ERBB4: variants seen among roughly 807,000 people sequenced by gnomAD.
ERBB4 encodes erb-b2 receptor tyrosine kinase 4.
Under a neutral mutation model 158.0 loss-of-function variants are expected in ERBB4, and 42 were observed. The observed-to-expected ratio is 0.27, with a 90% confidence interval of 0.21 to 0.34. The LOEUF (loss-of-function observed/expected upper bound fraction) is 0.34. Ranked by LOEUF, ERBB4 falls within the 10% of genes least tolerant of loss-of-function variation. The pLI is 1.00. For missense variants in ERBB4, 1,333 were observed against 1,624.1 expected (o/e 0.82, Z 3.08); for synonymous variants, 583 against 558.7 (o/e 1.04, Z -0.61).
chr2:211,713,670 G>T, intron 7 of ERBB4, 22 bp from the exon 8 acceptor site: 1 of 1,265,306 alleles, frequency 7.9e-7, no homozygotes. Flanking sequence ...AAAAAAAAAG[G>T]TAAAATAAGC....
intron 1 of ERBB4, among the ~76,000 whole-genome samples, chr2:212,341,083 T>C (rs2088687483): frequency 6.6e-6 from 1 of 152,050 alleles, no homozygotes; most frequent in South Asian, 2.1e-4. Flanking sequence ...AATCCTTTTA[T>C]ATTTTTTTCT....
At chr2:212,388,250 T>G (rs919077042) in intron 1 of ERBB4, among the ~76,000 whole-genome samples, 3 of 152,272 alleles carry the variant, frequency 2.0e-5, no homozygotes, top group African/African-American at 7.2e-5. Flanking sequence ...AGCTGTTAAC[T>G]CAGAAGTACT....
intron 1 of ERBB4, among the ~76,000 whole-genome samples, chr2:212,479,979 C>CA (rs112549454): frequency 4.6e-5 from 7 of 151,204 alleles, no homozygotes; most frequent in South Asian, 2.1e-4. Context: ...TGTTGACAAA[C>CA]AAAAAAAAGT....
At chr2:211,834,651 G>T (rs79616155) in intron 3 of ERBB4, among the ~76,000 whole-genome samples, 3 of 152,008 alleles carry the variant, frequency 2.0e-5, no homozygotes, top group South Asian at 2.1e-4. Flanking sequence ...AATAAATATC[G>T]AATTTGATGT....
At chr2:211,438,470 CTTT>C (rs2063904213) in intron 20 of ERBB4, among the ~76,000 whole-genome samples, 1 of 151,944 alleles carries the variant, frequency 6.6e-6, no homozygotes, top group Non-Finnish European at 1.5e-5. Flanking sequence ...GTTTCACTTT[CTTT>C]ATTTGTTAAA....
intron 1 of ERBB4, among the ~76,000 whole-genome samples, chr2:212,173,379 C>T (rs545420438): frequency 6.6e-6 from 1 of 152,028 alleles, no homozygotes; most frequent in African/African-American, 2.4e-5. Flanking sequence ...GGAAGAGTAC[C>T]CCAGGCTGAG....
intron 1 of ERBB4, among the ~76,000 whole-genome samples, chr2:212,339,444 G>A (rs1175595033): frequency 6.6e-6 from 1 of 152,148 alleles, no homozygotes; most frequent in Admixed American, 6.6e-5. Flanking sequence ...GGTATGTGTT[G>A]TTTTTATAAA....
intron 2 of ERBB4, among the ~76,000 whole-genome samples, chr2:211,950,924 C>T (rs1363839652): frequency 6.6e-6 from 1 of 152,110 alleles, no homozygotes; most frequent in Non-Finnish European, 1.5e-5. Context: ...TCTTTGAATG[C>T]CCTTATCTAC....
intron 1 of ERBB4, among the ~76,000 whole-genome samples, chr2:212,227,505 GTAGA>G (rs938336400): frequency 2.0e-4 from 30 of 152,136 alleles, no homozygotes; most frequent in African/African-American, 7.2e-4. Flanking sequence ...CTTTCAGCTT[GTAGA>G]TAATCAACGA....
At chr2:212,047,312 T>C (rs1308772809) in intron 2 of ERBB4, among the ~76,000 whole-genome samples, 1 of 152,172 alleles carries the variant, frequency 6.6e-6, no homozygotes, top group Admixed American at 6.5e-5. Context: ...ATTATTCTCT[T>C]TAGTCTCAAT....
intron 3 of ERBB4, among the ~76,000 whole-genome samples, chr2:211,806,273 C>G (rs186414789): frequency 4.2e-4 from 64 of 152,178 alleles, no homozygotes; most frequent in Non-Finnish European, 1.0e-4. Context: ...AGAGAGACAG[C>G]AGGGATCAAA....
intron 25 of ERBB4, among the ~76,000 whole-genome samples, chr2:211,403,886 G>C (rs994819538): frequency 6.6e-6 from 1 of 152,060 alleles, no homozygotes; most frequent in African/African-American, 2.4e-5. Context: ...TATTTTACAA[G>C]CTTCTCAACC....
intron 19 of ERBB4, among the ~76,000 whole-genome samples, chr2:211,566,903 C>G (rs1038673061): frequency 6.6e-6 from 1 of 152,086 alleles, no homozygotes; most frequent in Admixed American, 6.5e-5. Context: ...TGGCCCCACT[C>G]CCAGATACTC....
At chr2:211,823,760 T>G (rs1009293896) in intron 3 of ERBB4, among the ~76,000 whole-genome samples, 1 of 152,000 alleles carries the variant, frequency 6.6e-6, no homozygotes, top group African/African-American at 2.4e-5. Context: ...ATCTGTGTAA[T>G]TTTTGTCCTC....
In ERBB4 at chr2:211,707,413, G is replaced by A. The variant is rs6435662; in HGVS notation, c.1125-2022C>T. ...CATGCAAAAGAACACTACGTCTACC[G>A]TGTCATTGTGTTTGGTGATCCAAAA... On this transcript the variant is annotated intron_variant, in intron 9 of 27. Transcript: ENST00000342788. Among the ~76,000 whole-genome samples, 238 of 152,006 alleles carry A rather than the reference G, an allele frequency of 1.6e-3. 6 individuals are homozygous for A. In the South Asian group the frequency reaches 0.047, roughly 30 times the overall value.
At chr2:212,403,301 C>T (rs1184191298) in intron 1 of ERBB4, among the ~76,000 whole-genome samples, 1 of 151,952 alleles carries the variant, frequency 6.6e-6, no homozygotes, top group South Asian at 2.1e-4. Context: ...GGAGATTTCT[C>T]GATTTAAAAG....
chr2:211,629,222 A>C (rs1457401319), intron 17 of ERBB4, among the ~76,000 whole-genome samples: 1 of 152,194 alleles, frequency 6.6e-6, no homozygotes, highest in Non-Finnish European at 1.5e-5. Context: ...ATCAATGTGC[A>C]AAAATCACAA....
At chr2:212,331,439 A>G (rs976410979) in intron 1 of ERBB4, among the ~76,000 whole-genome samples, 1 of 151,878 alleles carries the variant, frequency 6.6e-6, no homozygotes, top group Admixed American at 6.6e-5. Flanking sequence ...ATTAACAAAC[A>G]GTAATAAAAA....
chr2:211,861,563 A>C (rs1204432899), intron 3 of ERBB4, among the ~76,000 whole-genome samples: 1 of 151,992 alleles, frequency 6.6e-6, no homozygotes, highest in Admixed American at 6.6e-5. Context: ...AATATAAAGA[A>C]AAACCTATAA....
Sources: allele counts gnomAD v4.1 joint callset (sites outside exome capture counted in the v4.1 genomes callset), GRCh38; gene constraint gnomAD v4.1.1; transcripts MANE v1.5; gene names NCBI Gene and HGNC (gene_info 2026-07-23, HGNC 2026-07-21).